ZDHHC24: variants seen among roughly 807,000 people sequenced by gnomAD.
The protein encoded by ZDHHC24 is probable palmitoyltransferase ZDHHC24.
A neutral mutation model predicts 23.2 loss-of-function variants in ZDHHC24; 17 were observed. The observed-to-expected ratio is 0.73, with a 90% CI of 0.50 to 1.10. ZDHHC24 has a LOEUF of 1.10. ZDHHC24 is among the 50% of genes least tolerant of loss of function. The pLI, the probability that ZDHHC24 is intolerant of heterozygous loss-of-function variation, is 0.00. For missense variants in ZDHHC24, 366 were observed against 393.0 expected, an observed-to-expected ratio of 0.93 and a Z score of 0.58; for synonymous variants, 186 against 194.5, an observed-to-expected ratio of 0.96 and a Z score of 0.36.
chr11:66,520,805 C>T, downstream of ZDHHC24: 1 of 249,974 alleles, frequency 4.0e-6, no homozygotes, highest in Admixed American at 5.1e-5. Context: ...ACAATCTCAG[C>T]TTACTGCAAC....
At chr11:66,530,855 C>T, downstream of ZDHHC24, 1 of 1,614,160 alleles carries the variant, frequency 6.2e-7, no homozygotes, top group South Asian at 1.1e-5. Context: ...CCCAAGGCTG[C>T]CAGGTCCTAA....
chr11:66,525,815 G>A (rs1176235476), intron 4 of ZDHHC24, among the ~76,000 whole-genome samples: 1 of 152,158 alleles, frequency 6.6e-6, no homozygotes, highest in Non-Finnish European at 1.5e-5. Flanking sequence ...AGACATATTT[G>A]TGTTTTTGAA....
chr11:66,531,078 G>T, downstream of ZDHHC24: 1 of 1,610,502 alleles, frequency 6.2e-7, no homozygotes, highest in Non-Finnish European at 8.5e-7. Context: ...CCAGGGCAGG[G>T]GCCTGATGAG....
At position 66,529,820 on chromosome 11, in the gene ZDHHC24, C is replaced by A. The variant is rs934613283; in HGVS notation, c.560-332G>T. The stretch of plus-strand genomic sequence containing the variant: ...AGCCTCTGGGACCCTTCTCCACAGC[C>A]ATGCACCGGGCCTTCCAGACAGACC... On this transcript the variant is annotated intron_variant, in intron 2 of 4. Transcript: ENST00000526986. The A allele has an allele frequency of 1.9e-6, 3 of 1,611,158 alleles. 1 individual carries two copies. Among genetic ancestry groups the A allele is most frequent in the Middle Eastern group, 1.6e-4 (1 of 6,062 alleles).
At chr11:66,541,731 C>T (rs561967321) in intron 2 of ZDHHC24, among the ~76,000 whole-genome samples, 3 of 152,238 alleles carry the variant, frequency 2.0e-5, no homozygotes, top group African/African-American at 4.8e-5. Flanking sequence ...AGGCGGAGAA[C>T]GCTTCACGGG....
downstream of ZDHHC24, chr11:66,531,823 AG>A: frequency 7.1e-7 from 1 of 1,409,680 alleles, no homozygotes; most frequent in Non-Finnish European, 9.9e-7. Flanking sequence ...CAAAGACCTT[AG>A]GGGGCTCCTG....
At chr11:66,529,579 G>A (rs1856674890) in intron 2 of ZDHHC24, 5 of 692,026 alleles carry the variant, frequency 7.2e-6, no homozygotes, top group Admixed American at 6.2e-5. Context: ...AGCCAGTGAA[G>A]GAGCTAGATA....
At chr11:66,529,965 G>T in intron 2 of ZDHHC24, 2 of 1,596,560 alleles carry the variant, frequency 1.3e-6, no homozygotes, top group African/African-American at 1.3e-5. Flanking sequence ...GAGCATCTGG[G>T]TGAGGGCAGA....
In ZDHHC24 at chr11:66,545,837, G is replaced by C; in HGVS notation, c.167C>G (p.Ala56Gly). The C allele has an allele frequency of 6.4e-7, 1 of 1,561,782 alleles. No homozygotes were observed. The highest frequency in any genetic ancestry group is 8.6e-7 in the Non-Finnish European group (1 of 1,159,736). The stretch of plus-strand genomic sequence containing the variant: ...GTTGAGCAGCTGGAAGGCGGCCAGC[G>C]CCAGCTGCAAGGCCCGGGCCAGGGG... ...LGPLARALQL[A>G]LAAFQLLNLL... is the part of the protein sequence containing the mutation. Residue 56 changes from alanine (A) to glycine (G), a missense_variant, in exon 1 of 3, where the codon GCG (alanine) becomes GGG (glycine). By Grantham distance (60) the Ala-to-Gly change is moderately conservative (BLOSUM62 0). Transcript: ENST00000310442. This position sits in a 1 kb window ranked among gnomAD's most constrained non-coding sequence, Gnocchi z 4.5.
chr11:66,529,922 A>G, intron 2 of ZDHHC24: 1 of 1,605,340 alleles, frequency 6.2e-7, no homozygotes, highest in Non-Finnish European at 8.5e-7. Context: ...TGTCCACGAC[A>G]GCCCGAGAGC....
chr11:66,545,873 G>A lies in ZDHHC24; in HGVS notation c.131C>T (p.Pro44Leu), dbSNP rs1222854059. 1 of 1,547,434 alleles carries A rather than the reference G, an allele frequency of 6.5e-7. No individual in the cohort carries two copies. The highest frequency in any genetic ancestry group is 1.9e-5 in the Admixed American group (1 of 53,184). ...GGCCCGGGCCAGGGGTCCCAGCGGC[G>A]GCGGCCCGGGACCGAGCACCAGCAC... ...AYVLVLGPGP[P>L]PLGPLARALQ... Residue 44 changes from proline to leucine, a missense_variant, in exon 1 of 3, where the codon CCG (proline) becomes CTG (leucine). By Grantham distance (98) the Pro-to-Leu change is moderately conservative. Transcript: ENST00000310442. The surrounding 1 kb of genome is among the most constrained non-coding windows in gnomAD (Gnocchi z 4.5).
intron 4 of ZDHHC24, chr11:66,526,285 TG>T (rs1245153089): frequency 8.1e-7 from 1 of 1,237,298 alleles, no homozygotes; most frequent in African/African-American, 1.5e-5. Context: ...AAATGAAGCA[TG>T]GGTGGACCTG....
At chr11:66,520,650 T>G (rs1400528040), downstream of ZDHHC24, 1 of 162,484 alleles carries the variant, frequency 6.2e-6, no homozygotes, top group Non-Finnish European at 1.4e-5. Context: ...TTATTTACCC[T>G]GTCACCTATT....
downstream of ZDHHC24, chr11:66,520,871 AC>A (rs1590761782): frequency 3.1e-6 from 1 of 325,562 alleles, no homozygotes; most frequent in Non-Finnish European, 6.0e-6. Flanking sequence ...CTGTGGGACC[AC>A]CACGCCCAGC....
At chr11:66,524,066 G>A in intron 4 of ZDHHC24, 1 of 841,318 alleles carries the variant, frequency 1.2e-6, no homozygotes, top group Non-Finnish European at 1.9e-6. Context: ...GATCACCTGA[G>A]GTAAGGAGTT....
downstream of ZDHHC24, chr11:66,531,544 C>G: frequency 7.1e-7 from 1 of 1,406,128 alleles, no homozygotes; most frequent in Non-Finnish European, 1.0e-6. Flanking sequence ...GTTGTCCTGC[C>G]CACCCTGCAG....
In ZDHHC24 at chr11:66,521,348, C is replaced by T. The variant is rs760381850; in HGVS notation, c.*140G>A. The T allele has an allele frequency of 6.3e-5, 102 of 1,614,054 alleles. No individual in the cohort carries two copies. The highest frequency in any genetic ancestry group is 7.8e-5 in the Non-Finnish European group (92 of 1,180,032). On this transcript the variant is annotated 3_prime_UTR_variant, in exon 5 of 5. Transcript: ENST00000526986. ...TGAGTTCCGGCTTGCCGCGGCCTGC[C>T]GCAATGGAAACATCTATATTCTGAG...
exon 5 of ZDHHC24, chr11:66,521,319 ATGT>A: frequency 6.2e-7 from 1 of 1,614,220 alleles, no homozygotes; most frequent in South Asian, 1.1e-5. Flanking sequence ...GGCCAGTTTG[ATGT>A]TGAGTTCCGG....
In ZDHHC24 at chr11:66,539,735, G is replaced by A; in HGVS notation, c.649C>T (p.His217Tyr). 6.2e-7 allele frequency: 1 copy of A among 1,613,170 alleles called. No individual in the cohort carries two copies. The change falls in exon 3 of 3, where the codon CAT becomes TAT. Residue 217 changes from histidine (H) to tyrosine (Y), a missense_variant. His to Tyr is a moderately conservative substitution (Grantham distance 83). Transcript: ENST00000310442. ...ALLCGAGLLF[H>Y]GMLLLRGQTT... ...TGGCCCCGCAGCAGCAGCATCCCAT[G>A]GAAGAGCAGCCCAGCCCCGCACAGC...
Sources: allele counts gnomAD v4.1 joint callset (sites outside exome capture counted in the v4.1 genomes callset), GRCh38; gene constraint gnomAD v4.1.1; non-coding constraint Gnocchi (gnomAD v3.1); transcripts MANE v1.5; gene names NCBI Gene and HGNC (gene_info 2026-07-23, HGNC 2026-07-21).